Variants in ENOX2 observed in about 807,000 individuals in gnomAD.
The protein encoded by ENOX2 is ecto-NOX disulfide-thiol exchanger 2, also known as APK1 antigen.
Under a neutral mutation model 45.0 loss-of-function variants are expected in ENOX2, and 36 were observed. That is an observed-to-expected ratio of 0.80 (90% CI 0.61 to 1.06). The LOEUF (loss-of-function observed/expected upper bound fraction) is 1.06. ENOX2 is among the 50% of genes least tolerant of loss of function. The pLI, the probability that ENOX2 is intolerant of heterozygous loss-of-function variation, is 0.00. For synonymous variants in ENOX2, 174 were observed against 152.3 expected (o/e 1.14, Z -1.05); for missense variants, 423 against 462.5 (o/e 0.91, Z 0.78).
At chrX:130,721,442 C>T (rs1260554907) in intron 3 of ENOX2, among the ~76,000 whole-genome samples, 1 of 112,332 alleles carries the variant, frequency 8.9e-6, no homozygotes, top group African/African-American at 3.2e-5. Context: ...AGGGCTTGAA[C>T]TTTCCTTCAA....
At chrX:130,850,157 G>A (rs1402747915) in intron 2 of ENOX2, among the ~76,000 whole-genome samples, 1 of 111,681 alleles carries the variant, frequency 9.0e-6, no homozygotes, top group Non-Finnish European at 1.9e-5. Flanking sequence ...GCACATGACA[G>A]GATTTCTACC....
rs1181572742 is a variant in ENOX2 at position 130,646,259 on chromosome X, A to C, written c.1130-8849T>G. On this transcript the variant is annotated intron_variant, in intron 10 of 14. Transcript: ENST00000394363. ...ACCTCATCCCAGAGACTGCAGCATGAGAACACCTACTGGGACCCCATAGCA... is the reference window on the plus strand; with the variant it reads ...ACCTCATCCCAGAGACTGCAGCATGCGAACACCTACTGGGACCCCATAGCA... The C allele has an allele frequency of 1.2e-5, 5 of 418,608 alleles. No homozygotes were observed. The African/African-American group carries it at 1.2e-4, about 10-fold the overall frequency. 34.5% of individuals were successfully genotyped at this position (418,608 alleles called of 1,213,427 possible). A position where few individuals can be genotyped will look rare whatever the true frequency, so the allele number is the denominator to read the frequency against.
At chrX:130,637,512 G>A (rs189712473) in intron 10 of ENOX2, 102 bp from the exon 11 acceptor site, 305 of 639,428 alleles carry the variant, frequency 4.8e-4, no homozygotes, top group Non-Finnish European at 6.4e-4. Context: ...AAGAACTTCA[G>A]GTTTGAGTTG....
chrX:130,897,953 G>A (rs902511495), intron 2 of ENOX2, among the ~76,000 whole-genome samples: 4 of 111,941 alleles, frequency 3.6e-5, no homozygotes, highest in Middle Eastern at 4.2e-3. Flanking sequence ...GTGTTGGGGG[G>A]TGGAAGGTAT....
intron 5 of ENOX2, among the ~76,000 whole-genome samples, chrX:130,687,768 GT>G (rs1256404252): frequency 4.6e-5 from 5 of 107,692 alleles, no homozygotes; most frequent in Non-Finnish European, 7.7e-5. Context: ...ATAAAGATCT[GT>G]TTTTTTTTTC....
chrX:130,634,942 G>C (rs1449906346), intron 12 of ENOX2, 42 bp downstream of exon 12: 6 of 719,873 alleles, frequency 8.3e-6, no homozygotes, highest in Admixed American at 5.7e-5. Flanking sequence ...CTGAAAAGTA[G>C]GTAAAGGGGC....
intron 2 of ENOX2, among the ~76,000 whole-genome samples, chrX:130,832,492 C>T (rs925161718): frequency 5.6e-5 from 6 of 107,703 alleles, no homozygotes; most frequent in African/African-American, 1.0e-4. Flanking sequence ...ACTGACTTTT[C>T]TAAGAACAAA....
At chrX:130,646,104 T>C (rs1012868032) in intron 10 of ENOX2, 36 of 531,471 alleles carry the variant, frequency 6.8e-5, no homozygotes, top group Middle Eastern at 7.1e-4. Flanking sequence ...CTGAGTACTG[T>C]GTCTCCTGCT....
At chrX:130,671,340 C>A (rs931863739) in intron 6 of ENOX2, among the ~76,000 whole-genome samples, 6 of 111,647 alleles carry the variant, frequency 5.4e-5, no homozygotes, top group African/African-American at 2.0e-4. Context: ...AGACAAGAAC[C>A]AAATGAAGTG....
At chrX:130,697,920 T>C (rs1418260093) in intron 4 of ENOX2, among the ~76,000 whole-genome samples, 4 of 112,001 alleles carry the variant, frequency 3.6e-5, no homozygotes, top group East Asian at 2.8e-4. Flanking sequence ...TTAAAATGTT[T>C]CCAAGAGAAA....
Position 130,686,791 on chromosome X carries a change from C to A in ENOX2, c.253+2072G>T, listed in dbSNP as rs183806425. 4.3e-3 allele frequency among the ~76,000 whole-genome samples: 483 copies of A among 112,138 alleles called. 1 individual carries two copies. Among genetic ancestry groups the A allele is most frequent in the South Asian group, 7.5e-3 (20 of 2,659 alleles). ...CCAAGTAATCCAAGCCCACTTTGAA[C>A]AAAACTCAAGTTCTAAAAAGCAAAC... On this transcript the variant is annotated intron_variant, in intron 5 of 14. Coordinates refer to ENST00000394363, the MANE Select transcript of ENOX2 (RefSeq NM_006375.4).
At chrX:130,858,114 C>CTTTTTTTTTTTTTTTTTTTTTTTT in intron 2 of ENOX2, among the ~76,000 whole-genome samples, 1 of 92,521 alleles carries the variant, frequency 1.1e-5, no homozygotes, top group Non-Finnish European at 2.2e-5. Flanking sequence ...GGGCTTTTTC[C>CTTTTTTTTTTTTTTTTTTTTTTTT]TTTTTTTTTT....
At chrX:130,665,612 C>CA in intron 9 of ENOX2, 31 bp downstream of exon 9, 1 of 1,035,307 alleles carries the variant, frequency 9.7e-7, no homozygotes, top group Non-Finnish European at 1.3e-6. Context: ...ACTGTCCCCC[C>CA]AAGGGGCTAC....
chrX:130,888,467 T>C (rs1216914608), intron 2 of ENOX2, among the ~76,000 whole-genome samples: 3 of 112,086 alleles, frequency 2.7e-5, no homozygotes, highest in South Asian at 3.7e-4. Context: ...ACTTAACTTC[T>C]TTGAGCCTAA....
At chrX:130,670,980 T>C (rs940726114) in intron 6 of ENOX2, among the ~76,000 whole-genome samples, 1 of 111,527 alleles carries the variant, frequency 9.0e-6, no homozygotes, top group Non-Finnish European at 1.9e-5. Context: ...TAGGAATTTA[T>C]CTCATTTCAT....
chrX:130,893,007 A>G (rs997470758), intron 2 of ENOX2, among the ~76,000 whole-genome samples: 2 of 111,985 alleles, frequency 1.8e-5, no homozygotes, highest in African/African-American at 6.5e-5. Flanking sequence ...ATATTTTCAC[A>G]ATAAAAGGTT....
intron 4 of ENOX2, among the ~76,000 whole-genome samples, chrX:130,694,600 C>CTTTT (rs1176052103): frequency 1.5e-4 from 13 of 86,161 alleles, no homozygotes; most frequent in Middle Eastern, 6.5e-3. Context: ...CTTTTCTTTT[C>CTTTT]TTTTTTTTTT....
intron 7 of ENOX2, 38 bp downstream of exon 7, chrX:130,669,927 G>T (rs371856413): frequency 2.1e-5 from 20 of 975,540 alleles, no homozygotes; most frequent in Non-Finnish European, 2.3e-5. Flanking sequence ...CTAAAGAAAA[G>T]AGTTCTTTTA....
chrX:130,759,893 C>T (rs936129530), intron 3 of ENOX2, among the ~76,000 whole-genome samples: 4 of 111,077 alleles, frequency 3.6e-5, no homozygotes, highest in Non-Finnish European at 7.5e-5. Context: ...AGATTGATGT[C>T]ATGAGTACCG....
Sources: gnomAD v4.1 joint callset for allele counts (sites outside exome capture counted in the v4.1 genomes callset) on GRCh38, gnomAD v4.1.1 for gene constraint, MANE v1.5 for transcripts, NCBI Gene and HGNC (gene_info 2026-07-23, HGNC 2026-07-21) for gene names.